The following PCNT variants were observed in gnomAD, a reference collection of about 807,000 sequenced individuals.
PCNT encodes the protein pericentrin.
Under a neutral mutation model 380.4 loss-of-function variants are expected in PCNT, and 319 were observed. That is an observed-to-expected ratio of 0.84 (90% CI 0.77 to 0.92). PCNT has a LOEUF of 0.92. Ranked by LOEUF, PCNT falls within the 40% of genes least tolerant of loss-of-function variation. The pLI, the probability that PCNT is intolerant of heterozygous loss-of-function variation, is 0.00. For synonymous variants in PCNT, 1,845 were observed against 1,735.2 expected (o/e 1.06, Z -1.57); for missense variants, 4,400 against 4,255.3 (o/e 1.03, Z -0.95).
rs587784310 is a variant in PCNT at position 46,326,372 on chromosome 21, C to T, written c.55-5C>T. 3.7e-6 allele frequency: 6 copies of T among 1,613,842 alleles called. No individual in the cohort carries two copies. The highest frequency in any genetic ancestry group is 1.1e-5 in the South Asian group (1 of 91,080). On this transcript the variant is annotated splice_region_variant and splice_polypyrimidine_tract_variant and intron_variant, in intron 1 of 46. Transcript: ENST00000359568. ...CCTTTACTACTTATCTACATTTTTG[C>T]GCAGCTTGCTCACTTCCGACAGAGA...
intron 1 of PCNT, among the ~76,000 whole-genome samples, chr21:46,325,544 A>G (rs1016130899): frequency 6.6e-6 from 1 of 152,160 alleles, no homozygotes; most frequent in African/African-American, 2.4e-5. Context: ...TTGAGAGACC[A>G]TTTTCTTGTG....
intron 13 of PCNT, among the ~76,000 whole-genome samples, chr21:46,359,491 G>GTTTTTTTTTTGTTTTT: frequency 1.5e-5 from 1 of 66,074 alleles, no homozygotes; most frequent in South Asian, 4.7e-4. Context: ...TTTTTTTTTT[G>GTTTTTTTTTTGTTTTT]TTTTTTTTTT....
intron 29 of PCNT, among the ~76,000 whole-genome samples, chr21:46,415,802 A>G (rs571394012): frequency 1.5e-4 from 23 of 152,322 alleles, no homozygotes; most frequent in Middle Eastern, 3.4e-3. Context: ...GTGCTCAGAT[A>G]TAGAACCTTC....
chr21:46,369,841 G>A (rs1569211146), intron 15 of PCNT, among the ~76,000 whole-genome samples: 1 of 152,208 alleles, frequency 6.6e-6, no homozygotes, highest in East Asian at 1.9e-4. Flanking sequence ...GACAGGGTGG[G>A]TGCCAAGGTC....
Position 46,411,046 on chromosome 21 carries a change from G to T in PCNT, c.5116-143G>T, listed in dbSNP as rs1310967969. The T allele has an allele frequency of 7.1e-6, 6 of 848,802 alleles. No individual in the cohort carries two copies. In the Admixed American group the frequency reaches 1.2e-4, roughly 16 times the overall value. 52.6% of individuals were successfully genotyped at this position (848,802 alleles called of 1,614,324 possible). A position where few individuals can be genotyped will look rare whatever the true frequency, so the allele number is the denominator to read the frequency against. On this transcript the variant is annotated intron_variant, in intron 27 of 46. Coordinates refer to ENST00000359568, the MANE Select transcript of PCNT (RefSeq NM_006031.6). ...TGGGTGTGGAGTGCATCCGGCACCA[G>T]CAGTTTGCTTCTATGGCTGCTTTGT...
intron 1 of PCNT, among the ~76,000 whole-genome samples, chr21:46,324,691 G>A (rs1289265257): frequency 6.6e-6 from 1 of 151,944 alleles, no homozygotes; most frequent in Non-Finnish European, 1.5e-5. Flanking sequence ...ACCCCAGGCT[G>A]GATCTTCCAG....
Position 46,412,928 on chromosome 21 carries a change from AG to A in PCNT, c.6087del (p.Gln2029HisfsTer9). On this transcript the variant is annotated frameshift_variant, in exon 29 of 47. Coordinates refer to ENST00000359568, the MANE Select transcript of PCNT (RefSeq NM_006031.6). LOFTEE classifies it high-confidence loss of function. ...VMSVLTVCQR[Q>X]LQSELLLVKN... Reference sequence around the variant, plus strand: ...TCAGTGCTCACCGTCTGCCAGAGGCAGCTGCAGTCGGAGCTGCTCTTGGTGA... The same window carrying A: ...TCAGTGCTCACCGTCTGCCAGAGGCACTGCAGTCGGAGCTGCTCTTGGTGA... 1 of 1,612,526 alleles carries A rather than the reference AG, an allele frequency of 6.2e-7. No homozygotes were observed. The highest frequency in any genetic ancestry group is 8.5e-7 in the Non-Finnish European group (1 of 1,180,032).
chr21:46,331,372 A>G (rs909868760), intron 2 of PCNT, among the ~76,000 whole-genome samples: 3 of 151,904 alleles, frequency 2.0e-5, no homozygotes, highest in Non-Finnish European at 2.9e-5. Context: ...TTTTTTCAGG[A>G]TGGTTATAAG....
intron 13 of PCNT, among the ~76,000 whole-genome samples, chr21:46,357,721 G>A (rs985419334): frequency 2.6e-5 from 4 of 152,168 alleles, no homozygotes; most frequent in Non-Finnish European, 5.9e-5. Flanking sequence ...GAGCCACCAC[G>A]CCCGGCCCTC....
chr21:46,342,938 G>C (rs1019422374), intron 3 of PCNT, among the ~76,000 whole-genome samples: 1 of 152,170 alleles, frequency 6.6e-6, no homozygotes, highest in Non-Finnish European at 1.5e-5. Flanking sequence ...CATCGTAAAA[G>C]GTGTTGAGTT....
chr21:46,390,714 T>C lies in PCNT; in HGVS notation c.3885T>C (p.Phe1295=), dbSNP rs755298136. ...TTCATTCTCGTTTTGAAAAAGAATT[T>C]AGTTTTAAGAATGAGGAGACAGCAC... ...RQIHSRFEKE[F]SFKNEETAQV... The change falls in exon 20 of 47, where the codon TTT becomes TTC. Residue 1295 remains phenylalanine, a synonymous_variant. Transcript: ENST00000359568. 1.2e-4 allele frequency: 186 copies of C among 1,613,916 alleles called. No homozygotes were observed. Among genetic ancestry groups the C allele is most frequent in the Non-Finnish European group, 1.4e-4 (169 of 1,180,016 alleles).
intron 10 of PCNT, among the ~76,000 whole-genome samples, chr21:46,353,751 T>TGTGTGTGA (rs59894003): frequency 0.012 from 1,237 of 104,384 alleles, 15 homozygotes; most frequent in South Asian, 0.042. Context: ...TGTGTGTGTG[T>TGTGTGTGA]GAGAGAGACA....
chr21:46,406,954 T>C (rs886959318), intron 27 of PCNT, among the ~76,000 whole-genome samples: 5 of 152,250 alleles, frequency 3.3e-5, no homozygotes, highest in African/African-American at 7.2e-5. Context: ...TATTACTGAA[T>C]TTGATTTGCT....
At chr21:46,423,153 G>T (rs965585910) in intron 32 of PCNT, among the ~76,000 whole-genome samples, 1 of 124,530 alleles carries the variant, frequency 8.0e-6, no homozygotes, top group Non-Finnish European at 1.8e-5. Flanking sequence ...CTTAAACATG[G>T]AAATTGGAGA....
Position 46,399,594 on chromosome 21 carries a change from A to C in PCNT, c.4589A>C (p.Glu1530Ala), listed in dbSNP as rs1329896703. ...AAGCATTTTTTGTTGTTTTAGGTTG[A>C]GTTGTTACAACAAAAGTTGAGAGAA... ...SQQAPLDGEVELLQQKLREKL... is the reference protein window; with the variant it reads ...SQQAPLDGEVALLQQKLREKL... The change falls in exon 25 of 47, where the codon GAG becomes GCG. Residue 1530 changes from glutamate to alanine, a missense_variant. Coordinates refer to ENST00000359568, the MANE Select transcript of PCNT (RefSeq NM_006031.6). 2 of 1,609,762 alleles carry C rather than the reference A, an allele frequency of 1.2e-6. No individual in the cohort carries two copies. Among genetic ancestry groups the C allele is most frequent in the Non-Finnish European group, 1.7e-6 (2 of 1,176,166 alleles).
chr21:46,347,048 A>C (rs1451640227), intron 5 of PCNT, 50 bp downstream of exon 5: 4 of 1,565,964 alleles, frequency 2.6e-6, no homozygotes, highest in Admixed American at 3.9e-5. Context: ...CGGTGTGGGC[A>C]TTCTAGTGCC....
At chr21:46,368,362 G>A (rs1488259858) in intron 15 of PCNT, among the ~76,000 whole-genome samples, 1 of 151,866 alleles carries the variant, frequency 6.6e-6, no homozygotes, top group Non-Finnish European at 1.5e-5. Context: ...GCAGGAGAAT[G>A]ATGTGAACCC....
intron 14 of PCNT, among the ~76,000 whole-genome samples, chr21:46,364,262 A>T (rs1007776788): frequency 1.1e-4 from 16 of 151,076 alleles, no homozygotes; most frequent in African/African-American, 3.4e-4. Context: ...GCAGGCTGGC[A>T]GTTGCTGTCC....
At chr21:46,376,247 T>C (rs2085329750) in intron 15 of PCNT, among the ~76,000 whole-genome samples, 1 of 152,226 alleles carries the variant, frequency 6.6e-6, no homozygotes, top group Admixed American at 6.5e-5. Flanking sequence ...GGCTCCCGTG[T>C]TGGCCTCAAA....
Sources: gnomAD v4.1 joint callset for allele counts (sites outside exome capture counted in the v4.1 genomes callset) on GRCh38, gnomAD v4.1.1 for gene constraint, MANE v1.5 for transcripts, NCBI Gene and HGNC (gene_info 2026-07-23, HGNC 2026-07-21) for gene names.